The following KSR2 variants were observed in gnomAD, a reference collection of about 807,000 sequenced individuals.
KSR2 encodes kinase suppressor of ras 2.
In KSR2, 25 loss-of-function variants were observed where a neutral mutation model predicts 107.8. The observed-to-expected ratio is 0.23, with a 90% CI of 0.17 to 0.32. The LOEUF is 0.32. Among genes scored for constraint, KSR2 ranks in the 10% least tolerant of loss-of-function variants. The pLI is 1.00. For missense variants in KSR2, 887 were observed against 1,268.9 expected (o/e 0.70, Z 4.57); for synonymous variants, 480 against 507.0 (o/e 0.95, Z 0.71).
chr12:117,645,517 C>T (rs921719676), intron 5 of KSR2, among the ~76,000 whole-genome samples: 3 of 152,212 alleles, frequency 2.0e-5, no homozygotes. Context: ...CATCTCCTCA[C>T]TATAGACCCC....
chr12:117,648,010 A>C (rs1432147176), intron 5 of KSR2, among the ~76,000 whole-genome samples: 3 of 152,158 alleles, frequency 2.0e-5, no homozygotes, highest in African/African-American at 7.2e-5. Flanking sequence ...CACCCAGCCT[A>C]ACCCTGTCTT....
chr12:117,574,591 A>G (rs1230813794), intron 7 of KSR2, among the ~76,000 whole-genome samples: 3 of 152,194 alleles, frequency 2.0e-5, no homozygotes, highest in Non-Finnish European at 4.4e-5. Flanking sequence ...CATGCAGGAA[A>G]TGGCCACCAT....
At chr12:117,926,528 C>T (rs980035872) in intron 1 of KSR2, among the ~76,000 whole-genome samples, 1 of 152,222 alleles carries the variant, frequency 6.6e-6, no homozygotes, top group Non-Finnish European at 1.5e-5. Context: ...GCCTCTCTCT[C>T]TGGAGGGACT....
chr12:117,777,960 G>A (rs577065827), intron 3 of KSR2, among the ~76,000 whole-genome samples: 4 of 152,228 alleles, frequency 2.6e-5, no homozygotes, highest in Admixed American at 6.5e-5. Flanking sequence ...TTGAGCCTGC[G>A]AGATCAAGGC....
intron 5 of KSR2, among the ~76,000 whole-genome samples, chr12:117,624,244 T>C (rs1882346970): frequency 6.6e-6 from 1 of 152,244 alleles, no homozygotes; most frequent in African/African-American, 2.4e-5. Flanking sequence ...ATCCCATTTG[T>C]CTATTTTGGC....
intron 7 of KSR2, among the ~76,000 whole-genome samples, chr12:117,576,282 G>C (rs1879280193): frequency 6.6e-6 from 1 of 152,102 alleles, no homozygotes; most frequent in Non-Finnish European, 1.5e-5. Flanking sequence ...ACGGAATGTG[G>C]TGGGACTAGA....
intron 7 of KSR2, among the ~76,000 whole-genome samples, chr12:117,576,993 C>T (rs928936821): frequency 6.6e-6 from 1 of 152,094 alleles, no homozygotes; most frequent in African/African-American, 2.4e-5. Context: ...TAAGGCTCCC[C>T]ACAACTCCAG....
In KSR2 at chr12:117,460,124, T is replaced by TTTTCCATGGAA. The variant is rs1215700843; in HGVS notation, c.*7064_*7074dup. 1 of 152,130 alleles carries TTTTCCATGGAA rather than the reference T, an allele frequency of 6.6e-6. No homozygotes were observed. Among genetic ancestry groups the TTTTCCATGGAA allele is most frequent in the East Asian group, 1.9e-4 (1 of 5,188 alleles). The allele number at this position is 152,130 out of a possible 1,614,324, so 9.4% of individuals were successfully genotyped here. ...CTTTCAATAATGCAAATCCGGCGAG[T>TTTTCCATGGAA]TTTCCATGGAATGAAAGGTCTATGG... On this transcript the variant is annotated 3_prime_UTR_variant, in exon 20 of 20. Coordinates refer to ENST00000339824, the MANE Select transcript of KSR2 (RefSeq NM_173598.6).
intron 1 of KSR2, among the ~76,000 whole-genome samples, chr12:117,948,192 T>C (rs181104556): frequency 3.3e-5 from 5 of 152,314 alleles, no homozygotes; most frequent in Non-Finnish European, 7.3e-5. Context: ...CTTATGCCTG[T>C]AATCCCAGTA....
At chr12:117,947,231 A>G (rs1334918587) in intron 1 of KSR2, among the ~76,000 whole-genome samples, 28 of 120,688 alleles carry the variant, frequency 2.3e-4, no homozygotes, top group African/African-American at 9.6e-4. Context: ...GAAAGAAAGA[A>G]AGAAAGAAAG....
At chr12:117,680,540 T>C (rs1041426359) in intron 4 of KSR2, among the ~76,000 whole-genome samples, 4 of 152,176 alleles carry the variant, frequency 2.6e-5, no homozygotes, top group African/African-American at 9.7e-5. Context: ...ATTTGCTCCA[T>C]CTCATCTCTC....
intron 5 of KSR2, among the ~76,000 whole-genome samples, chr12:117,663,422 C>T (rs945043057): frequency 6.6e-6 from 1 of 152,148 alleles, no homozygotes; most frequent in Admixed American, 6.5e-5. Context: ...TTGTGCAATG[C>T]CTGGAGCATT....
At chr12:117,964,024 C>T (rs544071560) in intron 1 of KSR2, among the ~76,000 whole-genome samples, 2 of 152,276 alleles carry the variant, frequency 1.3e-5, no homozygotes, top group East Asian at 3.9e-4. Context: ...CAGTGGCTCA[C>T]GCCTGCACTT....
At chr12:117,470,868 A>G (rs1305114373) in intron 18 of KSR2, among the ~76,000 whole-genome samples, 1 of 152,194 alleles carries the variant, frequency 6.6e-6, no homozygotes, top group Non-Finnish European at 1.5e-5. Flanking sequence ...AACCATTAAT[A>G]TTTGTGATGT....
At chr12:117,595,102 G>A (rs997452658) in intron 5 of KSR2, among the ~76,000 whole-genome samples, 2 of 152,130 alleles carry the variant, frequency 1.3e-5, no homozygotes, top group African/African-American at 2.4e-5. Context: ...GCCCATCCAG[G>A]GGACAGAGCT....
intron 3 of KSR2, among the ~76,000 whole-genome samples, chr12:117,765,348 A>G (rs1421239895): frequency 1.3e-5 from 2 of 152,200 alleles, no homozygotes; most frequent in African/African-American, 4.8e-5. Flanking sequence ...CCTGAATGAA[A>G]TGGAAAGAAT....
At chr12:117,671,258 C>T (rs953608420) in intron 4 of KSR2, among the ~76,000 whole-genome samples, 4 of 152,202 alleles carry the variant, frequency 2.6e-5, no homozygotes, top group African/African-American at 9.7e-5. Context: ...AAAGCATTCC[C>T]TAATACTCCC....
chr12:117,707,522 G>C (rs1226966188), intron 4 of KSR2, among the ~76,000 whole-genome samples: 1 of 152,184 alleles, frequency 6.6e-6, no homozygotes, highest in African/African-American at 2.4e-5. Flanking sequence ...GTGTGACCCT[G>C]AGCTACTGCC....
rs1308185150 is a variant in KSR2 at position 117,947,187 on chromosome 12, AAAAGAAAGAAAAGAAAGAAAAGAAAG to A, written c.180+20863_180+20888del. Among the ~76,000 whole-genome samples, 868 of 102,574 alleles carry A rather than the reference AAAAGAAAGAAAAGAAAGAAAAGAAAG, an allele frequency of 8.5e-3. 20 individuals carry two copies. The highest frequency in any genetic ancestry group is 0.03 in the African/African-American group (846 of 28,386). The allele number at this position is 102,574 out of a possible 152,430, so 67.3% of individuals were successfully genotyped here. On this transcript the variant is annotated intron_variant, in intron 1 of 19. Coordinates refer to ENST00000339824, the MANE Select transcript of KSR2 (RefSeq NM_173598.6). ...TGTCAAAAGAAAGAAAGAAAGAAAG[AAAAGAAAGAAAAGAAAGAAAAGAAAG>A]AAAGAAAGAAAGAAAGAAAGAAAGA...
Sources: allele counts gnomAD v4.1 joint callset (sites outside exome capture counted in the v4.1 genomes callset), GRCh38; gene constraint gnomAD v4.1.1; transcripts MANE v1.5; gene names NCBI Gene and HGNC (gene_info 2026-07-23, HGNC 2026-07-21).